ANXA11: variants seen among roughly 807,000 people sequenced by gnomAD.
ANXA11 encodes 56 kDa autoantigen.
In ANXA11, 57 loss-of-function variants were observed where a neutral mutation model predicts 64.7. The ratio of observed to expected loss-of-function variants is 0.88; its 90% CI spans 0.71 to 1.10. ANXA11 has a LOEUF of 1.10. Ranked by LOEUF, ANXA11 falls within the 50% of genes least tolerant of loss-of-function variation. ANXA11 has a pLI of 0.00. For missense variants in ANXA11, 675 were observed against 670.7 expected, an observed-to-expected ratio of 1.01 and a Z score of -0.07; for synonymous variants, 260 against 265.2, an observed-to-expected ratio of 0.98 and a Z score of 0.19.
intron 6 of ANXA11, 22 bp from the exon 7 acceptor site, chr10:80,167,006 G>C (rs1298766387): frequency 1.0e-5 from 16 of 1,544,920 alleles, no homozygotes; most frequent in Non-Finnish European, 1.4e-5. Flanking sequence ...GGCAGCAGGG[G>C]TGGGTCGGGT....
intron 7 of ANXA11, chr10:80,166,612 G>GA: frequency 1.9e-6 from 1 of 514,698 alleles, no homozygotes; most frequent in East Asian, 3.4e-5. Context: ...GAGGGCAGGG[G>GA]AAGGAAAATG....
chr10:80,186,443 T>C (rs1846542265), intron 1 of ANXA11, among the ~76,000 whole-genome samples: 1 of 152,074 alleles, frequency 6.6e-6, no homozygotes, highest in Admixed American at 6.5e-5. Context: ...ATTGGCGCTG[T>C]TTTCTTTCCA....
At chr10:80,163,281 C>T (rs903905195) in intron 11 of ANXA11, 68 bp downstream of exon 11, 1 of 1,586,172 alleles carries the variant, frequency 6.3e-7, no homozygotes. Context: ...GGGTACCTCT[C>T]TCAGGAAGCA....
rs147883184 is a variant in ANXA11 at position 80,166,895 on chromosome 10, C to T, written c.739G>A (p.Gly247Ser). 6 of 1,605,144 alleles carry T rather than the reference C, an allele frequency of 3.7e-6. No individual in the cohort carries two copies. Among genetic ancestry groups the T allele is most frequent in the Admixed American group, 1.7e-5 (1 of 59,278 alleles). Residue 247 changes from glycine (G) to serine (S), a missense_variant, in exon 7 of 16, where the codon GGC becomes AGC. Physicochemically the swap from Gly to Ser is moderately conservative, Grantham distance 56 (BLOSUM62 0). Coordinates refer to ENST00000422982, the MANE Select transcript of ANXA11 (RefSeq NM_145868.2). ...QILLSFKTAY[G>S]KDLIKDLKSE... is the part of the protein sequence containing the mutation. ...GCCCCCACCCCGCAGCTCGCCTTGCCGTAAGCCGTCTTGAAGGAAAGTAGG... is the reference window on the plus strand; with the variant it reads ...GCCCCCACCCCGCAGCTCGCCTTGCTGTAAGCCGTCTTGAAGGAAAGTAGG...
Position 80,155,762 on chromosome 10 carries a change from T to C in ANXA11, c.*91A>G, listed in dbSNP as rs1845248639. 3.2e-6 allele frequency: 4 copies of C among 1,255,418 alleles called. No individual in the cohort carries two copies. Among genetic ancestry groups the C allele is most frequent in the East Asian group, 4.6e-5 (2 of 43,200 alleles). 77.8% of individuals were successfully genotyped at this position (1,255,418 alleles called of 1,614,324 possible). On this transcript the variant is annotated 3_prime_UTR_variant, in exon 16 of 16. Coordinates refer to ENST00000422982, the MANE Select transcript of ANXA11 (RefSeq NM_145868.2). ...CTAGGACGGTGAATCTCGGGGCTATTTGTGGATTTGTTAGAAACAGACATT... is the reference window on the plus strand; with the variant it reads ...CTAGGACGGTGAATCTCGGGGCTATCTGTGGATTTGTTAGAAACAGACATT...
intron 11 of ANXA11, 32 bp from the exon 12 acceptor site, chr10:80,162,060 A>T: frequency 6.4e-7 from 1 of 1,563,808 alleles, no homozygotes. Context: ...CATGTGGCAC[A>T]GGCCACACCC....
intron 1 of ANXA11, among the ~76,000 whole-genome samples, chr10:80,187,742 G>C (rs763294796): frequency 6.6e-6 from 1 of 152,112 alleles, no homozygotes; most frequent in Non-Finnish European, 1.5e-5. Context: ...GCCAGGGCCC[G>C]CCTAGGAGGG....
rs539597081 is a variant in ANXA11, at chr10:80,183,264, T to C, written c.-57-7109A>G. On this transcript the variant is annotated intron_variant, in intron 1 of 15. Coordinates refer to ENST00000422982, the MANE Select transcript of ANXA11 (RefSeq NM_145868.2). Reference sequence around the variant, plus strand: ...GACGAGGCAGAAACGTCTACTACGGTAGTCCTGTTCCAAGGATCTCAGCCA... The same window carrying C: ...GACGAGGCAGAAACGTCTACTACGGCAGTCCTGTTCCAAGGATCTCAGCCA... Among the ~76,000 whole-genome samples, 13 of 152,314 alleles carry C rather than the reference T, an allele frequency of 8.5e-5. No homozygotes were observed. In the South Asian group the frequency reaches 2.5e-3, roughly 29 times the overall value.
chr10:80,180,851 A>G (rs1267000864), intron 1 of ANXA11: 1 of 152,168 alleles, frequency 6.6e-6, no homozygotes, highest in Non-Finnish European at 1.5e-5. Context: ...AAGAGGCTCT[A>G]CCCTCACGAA....
At position 80,172,372 on chromosome 10, in the gene ANXA11, T is replaced by C. The variant is rs149259146; in HGVS notation, c.55+435A>G. ...CACCTTGAGCAGAGGGTAGGAGAGG[T>C]GGTAAGGGGCAACCATCACCTAGCA... On this transcript the variant is annotated intron_variant, in intron 3 of 15. Coordinates refer to ENST00000422982, the MANE Select transcript of ANXA11 (RefSeq NM_145868.2). Among the ~76,000 whole-genome samples the C allele has an allele frequency of 8.8e-3, 1,339 of 151,820 alleles. 21 individuals are homozygous for C. The highest frequency in any genetic ancestry group is 0.031 in the African/African-American group (1,275 of 41,378).
chr10:80,166,310 G>T, intron 7 of ANXA11, 113 bp from the exon 8 acceptor site: 1 of 640,878 alleles, frequency 1.6e-6, no homozygotes, highest in Non-Finnish European at 2.7e-6. Flanking sequence ...CAGCAGCATG[G>T]ACATCCCCCA....
chr10:80,157,344 T>C (rs948566654), intron 15 of ANXA11: 80 of 985,278 alleles, frequency 8.1e-5, no homozygotes, highest in Non-Finnish European at 9.4e-5. Flanking sequence ...CACTGACAGA[T>C]CAAGGAATCA....
chr10:80,197,075 C>T (rs1840202782), intron 1 of ANXA11, among the ~76,000 whole-genome samples: 1 of 152,224 alleles, frequency 6.6e-6, no homozygotes, highest in Non-Finnish European at 1.5e-5. Flanking sequence ...GAAATCATTT[C>T]ATTCAACCTG....
At chr10:80,192,512 A>G (rs1275671908) in intron 1 of ANXA11, among the ~76,000 whole-genome samples, 1 of 152,270 alleles carries the variant, frequency 6.6e-6, no homozygotes, top group African/African-American at 2.4e-5. Flanking sequence ...GAAATAGAGG[A>G]CAAAAATATA....
chr10:80,178,530 G>A (rs908527469), intron 1 of ANXA11, among the ~76,000 whole-genome samples: 6 of 152,188 alleles, frequency 3.9e-5, no homozygotes, highest in East Asian at 1.9e-4. Flanking sequence ...CACAAATACC[G>A]CCCTTCCTTC....
chr10:80,201,602 G>A (rs1436413519), intron 1 of ANXA11, among the ~76,000 whole-genome samples: 1 of 152,142 alleles, frequency 6.6e-6, no homozygotes, highest in African/African-American at 2.4e-5. Context: ...AGGGTGAGTG[G>A]GGGCGGTCTC....
chr10:80,181,537 T>C (rs1383594905), intron 1 of ANXA11: 2 of 151,908 alleles, frequency 1.3e-5, no homozygotes, highest in Non-Finnish European at 1.5e-5. Flanking sequence ...AGAAAATAAA[T>C]GCAAAAGACA....
At chr10:80,180,620 G>A (rs913406572) in intron 1 of ANXA11, among the ~76,000 whole-genome samples, 42 of 151,232 alleles carry the variant, frequency 2.8e-4, no homozygotes, top group Non-Finnish European at 5.9e-5. Flanking sequence ...CAGTCTGGTG[G>A]CTGGAATATT....
At chr10:80,199,028 C>T (rs1429801643) in intron 1 of ANXA11, among the ~76,000 whole-genome samples, 1 of 152,124 alleles carries the variant, frequency 6.6e-6, no homozygotes, top group East Asian at 1.9e-4. Context: ...CCTCCATCCA[C>T]CCTCAACCAC....
Sources: allele counts gnomAD v4.1 joint callset (sites outside exome capture counted in the v4.1 genomes callset), GRCh38; gene constraint gnomAD v4.1.1; transcripts MANE v1.5; gene names NCBI Gene and HGNC (gene_info 2026-07-23, HGNC 2026-07-21).